THSD7A: variants seen among roughly 807,000 people sequenced by gnomAD.
THSD7A encodes the protein thrombospondin type 1 domain containing 7A.
In THSD7A, 96 loss-of-function variants were observed where a neutral mutation model predicts 231.3. The observed-to-expected ratio is 0.41, with a 90% CI of 0.35 to 0.49. The LOEUF (loss-of-function observed/expected upper bound fraction) is 0.49, where lower values mean the gene tolerates loss of function less well. Ranked by LOEUF, THSD7A falls within the 20% of genes least tolerant of loss-of-function variation. The pLI, the probability that THSD7A is intolerant of heterozygous loss-of-function variation, is 0.05. For synonymous variants in THSD7A, 940 were observed against 743.3 expected, an observed-to-expected ratio of 1.26 and a Z score of -4.30; for missense variants, 2,290 against 2,070.2, an observed-to-expected ratio of 1.11 and a Z score of -2.06.
intron 2 of THSD7A, among the ~76,000 whole-genome samples, chr7:11,628,881 T>C (rs150385247): frequency 6.6e-6 from 1 of 152,260 alleles, no homozygotes; most frequent in East Asian, 1.9e-4. Context: ...CTCACAGGGG[T>C]TAATTCAGAA....
intron 1 of THSD7A, among the ~76,000 whole-genome samples, chr7:11,672,152 C>T (rs1179770830): frequency 6.6e-6 from 1 of 152,072 alleles, no homozygotes; most frequent in East Asian, 1.9e-4. Context: ...CATTTTCTGG[C>T]TGTGGGCATT....
At chr7:11,382,437 T>G in intron 24 of THSD7A, 84 bp downstream of exon 24, 3 of 1,145,118 alleles carry the variant, frequency 2.6e-6, no homozygotes, top group Non-Finnish European at 3.9e-6. Context: ...AAGAGTAACT[T>G]TGTTTCCTTA....
intron 1 of THSD7A, among the ~76,000 whole-genome samples, chr7:11,728,960 A>G (rs11982335): frequency 0.019 from 2,945 of 151,920 alleles, 102 homozygotes; most frequent in African/African-American, 0.068. Context: ...ATTTTGAAGT[A>G]TATTTTCTAA....
intron 1 of THSD7A, among the ~76,000 whole-genome samples, chr7:11,816,606 G>A (rs918078455): frequency 6.6e-6 from 1 of 151,836 alleles, no homozygotes; most frequent in South Asian, 2.1e-4. Flanking sequence ...AATAAAAAGC[G>A]ATAACTTAGT....
At position 11,823,004 on chromosome 7, in the gene THSD7A, G is replaced by A. The variant is rs181266486; in HGVS notation, c.190+8753C>T. 2.6e-3 allele frequency among the ~76,000 whole-genome samples: 396 copies of A among 152,058 alleles called. 3 individuals are homozygous for A. The highest frequency in any genetic ancestry group is 9.7e-3 in the South Asian group (47 of 4,826). Reference sequence around the variant, plus strand: ...AGTTTTTGTTACCTGTGACTTTGAGGTCTCAGTCATAAACTGATTGCTCAG... The same window carrying A: ...AGTTTTTGTTACCTGTGACTTTGAGATCTCAGTCATAAACTGATTGCTCAG... On this transcript the variant is annotated intron_variant, in intron 1 of 27. Coordinates refer to ENST00000423059, the MANE Select transcript of THSD7A (RefSeq NM_015204.3).
intron 6 of THSD7A, among the ~76,000 whole-genome samples, chr7:11,538,843 G>C (rs1161007240): frequency 1.3e-5 from 2 of 152,046 alleles, no homozygotes; most frequent in African/African-American, 4.8e-5. Context: ...GAAGGGAAAT[G>C]GAAAAATGAA....
At chr7:11,508,997 T>C (rs74879753) in intron 6 of THSD7A, among the ~76,000 whole-genome samples, 4,780 of 152,304 alleles carry the variant, frequency 0.031, 261 homozygotes, top group African/African-American at 0.11. Context: ...TAATAAACTC[T>C]AGAGATCTTC....
chr7:11,660,349 A>T (rs1396827820), intron 1 of THSD7A, among the ~76,000 whole-genome samples: 3 of 151,546 alleles, frequency 2.0e-5, no homozygotes, highest in Non-Finnish European at 3.0e-5. Context: ...ACTTGCAGAA[A>T]ATTCAGGTTG....
chr7:11,661,053 G>A (rs1307435039), intron 1 of THSD7A, among the ~76,000 whole-genome samples: 1 of 151,276 alleles, frequency 6.6e-6, no homozygotes, highest in Non-Finnish European at 1.5e-5. Flanking sequence ...AAAACTTTTA[G>A]CAGGAGAATG....
At chr7:11,769,122 AATAT>A (rs1219135740) in intron 1 of THSD7A, among the ~76,000 whole-genome samples, 10 of 35,888 alleles carry the variant, frequency 2.8e-4, no homozygotes, top group African/African-American at 6.1e-4. Context: ...AATTCCTGGC[AATAT>A]ATATATATAT....
intron 9 of THSD7A, among the ~76,000 whole-genome samples, chr7:11,466,348 T>C (rs938011737): frequency 2.6e-5 from 4 of 152,182 alleles, no homozygotes; most frequent in African/African-American, 9.6e-5. Context: ...TTCCATTTCT[T>C]ATGAAATAAT....
At chr7:11,655,293 G>A (rs1296879082) in intron 1 of THSD7A, among the ~76,000 whole-genome samples, 2 of 151,898 alleles carry the variant, frequency 1.3e-5, no homozygotes, top group African/African-American at 2.4e-5. Flanking sequence ...CTGTAACACA[G>A]TCTTTCTGTG....
In THSD7A at chr7:11,742,474, T is replaced by A. The variant is rs137942740; in HGVS notation, c.190+89283A>T. ...AAGAATATAGCTACTAGATGTAAAA[T>A]CCTCAATCTAAATCATTATGATAAC... is the stretch of plus-strand genomic sequence containing the variant. On this transcript the variant is annotated intron_variant, in intron 1 of 27. Coordinates refer to ENST00000423059, the MANE Select transcript of THSD7A (RefSeq NM_015204.3). 4.6e-3 allele frequency among the ~76,000 whole-genome samples: 692 copies of A among 151,920 alleles called. 4 individuals carry two copies. Among genetic ancestry groups the A allele is most frequent in the African/African-American group, 0.016 (657 of 41,490 alleles).
intron 1 of THSD7A, among the ~76,000 whole-genome samples, chr7:11,706,630 CTTTTTTTT>C (rs66964252): frequency 6.0e-5 from 4 of 66,420 alleles, no homozygotes; most frequent in African/African-American, 1.2e-4. Context: ...TAACAAGGTG[CTTTTTTTT>C]TTTTTTTTTT....
chr7:11,818,487 G>A (rs2128186265), intron 1 of THSD7A, among the ~76,000 whole-genome samples: 1 of 152,312 alleles, frequency 6.6e-6, no homozygotes, highest in Admixed American at 6.5e-5. Context: ...GGTCATGGGA[G>A]CAACCTAAGT....
At chr7:11,530,243 T>A (rs113194658) in intron 6 of THSD7A, among the ~76,000 whole-genome samples, 5 of 152,220 alleles carry the variant, frequency 3.3e-5, no homozygotes, top group African/African-American at 1.2e-4. Flanking sequence ...GGGACTTGAG[T>A]GTAATGGAAT....
intron 1 of THSD7A, among the ~76,000 whole-genome samples, chr7:11,740,081 A>T (rs1782055866): frequency 6.6e-6 from 1 of 152,002 alleles, no homozygotes. Context: ...CAAAGATTCA[A>T]CTTGGACACA....
chr7:11,512,034 A>C (rs1443655984), intron 6 of THSD7A, among the ~76,000 whole-genome samples: 2 of 152,218 alleles, frequency 1.3e-5, no homozygotes, highest in Non-Finnish European at 1.5e-5. Context: ...CCATCTACTC[A>C]TCTGACAAAG....
chr7:11,714,179 GT>G lies in THSD7A; in HGVS notation c.191-77219del, dbSNP rs1781057237. Among the ~76,000 whole-genome samples the G allele has an allele frequency of 4.0e-5, 6 of 151,238 alleles. No individual in the cohort carries two copies. The South Asian group carries it at 1.2e-3, about 31-fold the overall frequency. ...TCTTGCAGCATTTAAACCTCTAAAT[GT>G]GTTAATAAAATAATAGTATAATAAA... On this transcript the variant is annotated intron_variant, in intron 1 of 27. Coordinates refer to ENST00000423059, the MANE Select transcript of THSD7A (RefSeq NM_015204.3).
Sources: gnomAD v4.1 joint callset for allele counts (sites outside exome capture counted in the v4.1 genomes callset) on GRCh38, gnomAD v4.1.1 for gene constraint, MANE v1.5 for transcripts, NCBI Gene and HGNC (gene_info 2026-07-23, HGNC 2026-07-21) for gene names.